The following PRIM2 variants were observed in gnomAD, a reference collection of about 807,000 sequenced individuals.
PRIM2 encodes DNA primase large subunit.
Under a neutral mutation model 67.3 loss-of-function variants are expected in PRIM2, and 39 were observed. The observed-to-expected ratio is 0.58, with a 90% confidence interval of 0.45 to 0.76. The LOEUF (loss-of-function observed/expected upper bound fraction) is 0.76. Among genes scored for constraint, PRIM2 ranks in the 30% least tolerant of loss-of-function variants. The pLI is 0.00. For missense variants in PRIM2, 398 were observed against 598.7 expected, an observed-to-expected ratio of 0.66 and a Z score of 3.50; for synonymous variants, 143 against 198.7, an observed-to-expected ratio of 0.72 and a Z score of 2.36.
At chr6:57,238,502 T>C in the PRIM2 span, among the ~76,000 whole-genome samples, 1 of 152,166 alleles carries the variant, frequency 6.6e-6, no homozygotes, top group African/African-American at 2.4e-5. Flanking sequence ...ATAAAGATAT[T>C]CTTTGAAACC....
At chr6:57,276,473 A>C in the PRIM2 span, among the ~76,000 whole-genome samples, 2 of 152,036 alleles carry the variant, frequency 1.3e-5, no homozygotes, top group East Asian at 1.9e-4. Context: ...ACATGCATAC[A>C]TATGTATGTA....
chr6:57,580,494 A>T, intron 10 of PRIM2, among the ~76,000 whole-genome samples: 1 of 152,216 alleles, frequency 6.6e-6, no homozygotes, highest in East Asian at 1.9e-4. Flanking sequence ...AAAACTTTTT[A>T]TGCTTAGTTT....
intron 5 of PRIM2, among the ~76,000 whole-genome samples, chr6:57,347,592 G>C (rs1312438889): frequency 6.6e-6 from 1 of 152,120 alleles, no homozygotes; most frequent in African/African-American, 2.4e-5. Context: ...GAATACAGGC[G>C]CATGCCACCC....
At chr6:57,343,907 G>T (rs9382704) in intron 5 of PRIM2, among the ~76,000 whole-genome samples, 1 of 152,114 alleles carries the variant, frequency 6.6e-6, no homozygotes, top group East Asian at 1.9e-4. Context: ...GGTCAGGGTG[G>T]ATGGAAAATT....
intron 7 of PRIM2, among the ~76,000 whole-genome samples, chr6:57,422,856 A>T (rs1289383226): frequency 4.6e-5 from 7 of 152,156 alleles, no homozygotes; most frequent in Admixed American, 4.6e-4. Flanking sequence ...CTAAGAAAGG[A>T]TGGAAACAAA....
chr6:57,484,602 G>A (rs1161212213), intron 7 of PRIM2, among the ~76,000 whole-genome samples: 21 of 152,224 alleles, frequency 1.4e-4, no homozygotes, highest in African/African-American at 3.9e-4. Context: ...ATACCATTTT[G>A]TTGTTGTTTC....
intron 8 of PRIM2, among the ~76,000 whole-genome samples, chr6:57,515,906 G>T (rs1774477879): frequency 6.6e-6 from 1 of 152,094 alleles, no homozygotes; most frequent in Non-Finnish European, 1.5e-5. Flanking sequence ...AGGCTCTGGG[G>T]AAGAATTTAC....
At chr6:57,518,070 AC>A (rs1774523272) in intron 8 of PRIM2, among the ~76,000 whole-genome samples, 1 of 152,226 alleles carries the variant, frequency 6.6e-6, no homozygotes, top group African/African-American at 2.4e-5. Context: ...GGAAAGGCAG[AC>A]TACCAAGACT....
At chr6:57,269,572 C>A in the PRIM2 span, among the ~76,000 whole-genome samples, 81 of 152,066 alleles carry the variant, frequency 5.3e-4, no homozygotes, top group Non-Finnish European at 7.9e-4. Flanking sequence ...TTCTCCCATT[C>A]TGTAGGTTGC....
intron 5 of PRIM2, among the ~76,000 whole-genome samples, chr6:57,353,274 A>G (rs1180627070): frequency 6.6e-6 from 1 of 152,114 alleles, no homozygotes; most frequent in Non-Finnish European, 1.5e-5. Context: ...GTACTTAAAG[A>G]GACAATTTTG....
intron 3 of PRIM2, among the ~76,000 whole-genome samples, chr6:57,322,746 A>G (rs1767701776): frequency 6.6e-6 from 1 of 152,178 alleles, no homozygotes; most frequent in Non-Finnish European, 1.5e-5. Flanking sequence ...CATGCCAGGA[A>G]GAGGAGATGC....
intron 10 of PRIM2, among the ~76,000 whole-genome samples, chr6:57,541,973 G>GTTTTTTTTTTTTTT: frequency 8.7e-6 from 1 of 114,738 alleles, no homozygotes; most frequent in Admixed American, 9.3e-5. Flanking sequence ...TTGTGTTTTG[G>GTTTTTTTTTTTTTT]TTTTTTTTTT....
At chr6:57,621,718 A>C (rs1242781895) in intron 12 of PRIM2, among the ~76,000 whole-genome samples, 1 of 152,192 alleles carries the variant, frequency 6.6e-6, no homozygotes, top group Non-Finnish European at 1.5e-5. Context: ...AAGAAGAGTT[A>C]CAAATCAAAA....
At chr6:57,582,748 T>G (rs1776118935) in intron 10 of PRIM2, among the ~76,000 whole-genome samples, 1 of 150,338 alleles carries the variant, frequency 6.7e-6, no homozygotes, top group African/African-American at 2.5e-5. Flanking sequence ...TGTTTATTTC[T>G]GTTCTCCATT....
chr6:57,301,897 G>A, the PRIM2 span, among the ~76,000 whole-genome samples: 1 of 152,182 alleles, frequency 6.6e-6, no homozygotes, highest in Non-Finnish European at 1.5e-5. Context: ...TATGAGTGTT[G>A]AAGTCAAGAA....
intron 5 of PRIM2, among the ~76,000 whole-genome samples, chr6:57,350,492 G>T (rs1425628211): frequency 1.3e-5 from 2 of 152,162 alleles, no homozygotes; most frequent in Non-Finnish European, 2.9e-5. Flanking sequence ...AATTTAACTT[G>T]TCAATCTGCA....
chr6:57,455,642 G>A (rs1245997971), intron 7 of PRIM2, among the ~76,000 whole-genome samples: 1 of 152,104 alleles, frequency 6.6e-6, no homozygotes, highest in East Asian at 1.9e-4. Flanking sequence ...TTGCTTGGTA[G>A]ATCTTCCTCC....
chr6:57,373,349 A>G (rs1288722600), intron 5 of PRIM2, among the ~76,000 whole-genome samples: 2 of 151,482 alleles, frequency 1.3e-5, no homozygotes, highest in African/African-American at 2.4e-5. Flanking sequence ...GATACTGGAT[A>G]TTAGACCTTT....
chr6:57,226,282 G>A, the PRIM2 span, among the ~76,000 whole-genome samples: 19 of 152,210 alleles, frequency 1.2e-4, no homozygotes, highest in Admixed American at 3.9e-4. Context: ...GTAAGAGGGA[G>A]CCCTAATTTA....
Sources: gnomAD v4.1 joint callset for allele counts (sites outside exome capture counted in the v4.1 genomes callset) on GRCh38, gnomAD v4.1.1 for gene constraint, MANE v1.5 for transcripts, NCBI Gene and HGNC (gene_info 2026-07-23, HGNC 2026-07-21) for gene names.